Variants in SYT1 observed in about 807,000 individuals in gnomAD.
SYT1 encodes synaptotagmin 1.
SYT1 carries 8 observed loss-of-function variants against 44.8 expected under a neutral mutation model. That is an observed-to-expected ratio of 0.18 (90% CI 0.10 to 0.32). The LOEUF is 0.32. Ranked by LOEUF, SYT1 falls within the 10% of genes least tolerant of loss-of-function variation. SYT1 has a pLI of 1.00. For synonymous variants in SYT1, 154 were observed against 188.8 expected (o/e 0.82, Z 1.51); for missense variants, 286 against 509.3 (o/e 0.56, Z 4.22).
At chr12:78,987,485 T>A (rs1869721377) in intron 2 of SYT1, among the ~76,000 whole-genome samples, 1 of 151,994 alleles carries the variant, frequency 6.6e-6, no homozygotes, top group Admixed American at 6.6e-5. Context: ...TCAAAAAGAC[T>A]ATTTTTTTAC....
chr12:79,384,100 TG>T (rs1342927511), intron 9 of SYT1, among the ~76,000 whole-genome samples: 1 of 152,126 alleles, frequency 6.6e-6, no homozygotes, highest in African/African-American at 2.4e-5. Context: ...TTAAGGAAAT[TG>T]AGTTTAATAG....
intron 3 of SYT1, among the ~76,000 whole-genome samples, chr12:79,080,049 G>A (rs17046346): frequency 0.039 from 5,972 of 151,840 alleles, 249 homozygotes; most frequent in African/African-American, 0.097. Flanking sequence ...TCTATTATTC[G>A]CCAGTGAGTC....
intron 9 of SYT1, among the ~76,000 whole-genome samples, chr12:79,395,052 T>G (rs189630643): frequency 8.8e-4 from 134 of 152,192 alleles, no homozygotes; most frequent in African/African-American, 3.0e-3. Flanking sequence ...TGATACATAA[T>G]AAGCCTTAAA....
chr12:79,172,761 A>G (rs892610348), intron 3 of SYT1, among the ~76,000 whole-genome samples: 2 of 151,586 alleles, frequency 1.3e-5, no homozygotes, highest in African/African-American at 2.4e-5. Flanking sequence ...ATTATTTTGT[A>G]ACTTCTTTCC....
chr12:79,204,197 A>G (rs2057100045), intron 3 of SYT1, among the ~76,000 whole-genome samples: 1 of 152,250 alleles, frequency 6.6e-6, no homozygotes, highest in Non-Finnish European at 1.5e-5. Flanking sequence ...AGCACTTATA[A>G]TAATGTCTAG....
At chr12:79,143,518 C>G (rs1869693526) in intron 3 of SYT1, among the ~76,000 whole-genome samples, 1 of 152,162 alleles carries the variant, frequency 6.6e-6, no homozygotes, top group African/African-American at 2.4e-5. Flanking sequence ...GTGCTCAGCC[C>G]TGATGGGGCT....
intron 1 of SYT1, among the ~76,000 whole-genome samples, chr12:78,929,507 T>C (rs1877515231): frequency 6.7e-6 from 1 of 149,878 alleles, no homozygotes; most frequent in South Asian, 2.1e-4. Flanking sequence ...TAATTTTACT[T>C]TCTAACTTCA....
chr12:79,276,024 C>CT (rs1878699452), intron 4 of SYT1, among the ~76,000 whole-genome samples: 1 of 152,130 alleles, frequency 6.6e-6, no homozygotes, highest in Non-Finnish European at 1.5e-5. Context: ...GCTAGTCAAT[C>CT]ATAAACTATA....
chr12:79,288,125 G>T (rs550011219), intron 5 of SYT1, among the ~76,000 whole-genome samples: 38 of 152,158 alleles, frequency 2.5e-4, no homozygotes, highest in Admixed American at 1.3e-3. Flanking sequence ...ACTTTTTGAA[G>T]CAGACAAAAG....
At chr12:79,262,445 C>A (rs1056098992) in intron 4 of SYT1, among the ~76,000 whole-genome samples, 2 of 95,388 alleles carry the variant, frequency 2.1e-5, no homozygotes, top group African/African-American at 1.0e-4. Flanking sequence ...GAGCCAAGAT[C>A]ACTTTTTACA....
At chr12:79,182,961 G>A (rs568596301) in intron 3 of SYT1, among the ~76,000 whole-genome samples, 1 of 152,200 alleles carries the variant, frequency 6.6e-6, no homozygotes, top group Non-Finnish European at 1.5e-5. Flanking sequence ...AAATTCTGAT[G>A]CAAACTGGTC....
chr12:78,986,782 G>T (rs1355075983), intron 2 of SYT1, among the ~76,000 whole-genome samples: 2 of 151,832 alleles, frequency 1.3e-5, no homozygotes, highest in African/African-American at 4.8e-5. Flanking sequence ...CTCTATAATA[G>T]AATTATGGAC....
At chr12:78,991,658 T>C (rs758395981) in intron 2 of SYT1, among the ~76,000 whole-genome samples, 2 of 152,160 alleles carry the variant, frequency 1.3e-5, no homozygotes, top group Non-Finnish European at 2.9e-5. Flanking sequence ...ATGAAAACTC[T>C]AGAGAAATAA....
chr12:79,105,708 G>T (rs1483574854), intron 3 of SYT1, among the ~76,000 whole-genome samples: 3 of 151,930 alleles, frequency 2.0e-5, no homozygotes, highest in African/African-American at 7.3e-5. Flanking sequence ...GTGAAACCCC[G>T]TCTCTACTAA....
intron 9 of SYT1, among the ~76,000 whole-genome samples, chr12:79,354,300 AATC>A (rs1883026809): frequency 6.6e-6 from 1 of 152,174 alleles, no homozygotes; most frequent in Non-Finnish European, 1.5e-5. Context: ...CATATGATTA[AATC>A]AATTATATTT....
chr12:79,045,208 C>T (rs541493346), intron 2 of SYT1, among the ~76,000 whole-genome samples: 4 of 152,212 alleles, frequency 2.6e-5, no homozygotes, highest in Non-Finnish European at 5.9e-5. Flanking sequence ...TGGCGGGCGC[C>T]CCTCCCCCAG....
At chr12:78,904,228 T>C (rs1321199409) in intron 1 of SYT1, among the ~76,000 whole-genome samples, 1 of 152,122 alleles carries the variant, frequency 6.6e-6, no homozygotes. Context: ...CCTATAAATA[T>C]TTGTGAGATT....
At chr12:79,359,847 C>T (rs142728259) in intron 9 of SYT1, among the ~76,000 whole-genome samples, 1 of 152,142 alleles carries the variant, frequency 6.6e-6, no homozygotes, top group African/African-American at 2.4e-5. Flanking sequence ...GAGCAACTCA[C>T]CCAACCTCAG....
At chr12:79,155,864 C>T (rs902989516) in intron 3 of SYT1, among the ~76,000 whole-genome samples, 1 of 152,184 alleles carries the variant, frequency 6.6e-6, no homozygotes, top group African/African-American at 2.4e-5. Context: ...AACTTGAATA[C>T]TTTCAACCAA....
Sources: gnomAD v4.1 joint callset for allele counts (sites outside exome capture counted in the v4.1 genomes callset) on GRCh38, gnomAD v4.1.1 for gene constraint, MANE v1.5 for transcripts, NCBI Gene and HGNC (gene_info 2026-07-23, HGNC 2026-07-21) for gene names.